The following PSTPIP2 variants were observed in gnomAD, a reference collection of about 807,000 sequenced individuals.
PSTPIP2 encodes the protein proline-serine-threonine phosphatase-interacting protein 2.
A neutral mutation model predicts 63.3 loss-of-function variants in PSTPIP2; 33 were observed. The ratio of observed to expected loss-of-function variants is 0.52; its 90% CI spans 0.40 to 0.70. The LOEUF is 0.70. Ranked by LOEUF, PSTPIP2 falls within the 30% of genes least tolerant of loss-of-function variation. PSTPIP2 has a pLI of 0.00. For synonymous variants in PSTPIP2, 125 were observed against 132.7 expected (o/e 0.94, Z 0.40); for missense variants, 312 against 400.7 (o/e 0.78, Z 1.89).
At chr18:46,046,219 G>A (rs1368964194) in intron 1 of PSTPIP2, among the ~76,000 whole-genome samples, 1 of 152,154 alleles carries the variant, frequency 6.6e-6, no homozygotes, top group African/African-American at 2.4e-5. Flanking sequence ...TTATTTCTAT[G>A]CTCCTTTTCA....
intron 10 of PSTPIP2, among the ~76,000 whole-genome samples, chr18:45,993,096 AT>A (rs895466136): frequency 2.0e-5 from 3 of 151,846 alleles, no homozygotes; most frequent in Non-Finnish European, 4.4e-5. Context: ...CCTTGGCTGA[AT>A]TTTTTTTCTT....
At chr18:46,039,796 A>G (rs1908122811) in intron 2 of PSTPIP2, 151 bp downstream of exon 2, 3 of 672,792 alleles carry the variant, frequency 4.5e-6, no homozygotes, top group Non-Finnish European at 7.8e-6. Flanking sequence ...GGACAGAAGT[A>G]TCATGTACTT....
chr18:45,993,948 A>C (rs116252737), intron 9 of PSTPIP2: 310 of 459,218 alleles, frequency 6.8e-4, no homozygotes, highest in African/African-American at 5.7e-3. Flanking sequence ...AGTAATGATG[A>C]TCCCAGATAC....
intron 1 of PSTPIP2, among the ~76,000 whole-genome samples, chr18:46,063,002 A>G (rs1233379201): frequency 1.3e-5 from 2 of 152,086 alleles, no homozygotes; most frequent in African/African-American, 2.4e-5. Flanking sequence ...CCTCATACTC[A>G]AAAGACAGTA....
intron 3 of PSTPIP2, among the ~76,000 whole-genome samples, chr18:46,022,600 T>TTA (rs1907404346): frequency 6.6e-6 from 1 of 152,154 alleles, no homozygotes; most frequent in African/African-American, 2.4e-5. Context: ...GACCCCTTGT[T>TTA]TATAAATTAT....
intron 3 of PSTPIP2, among the ~76,000 whole-genome samples, chr18:46,017,960 C>T (rs1463028875): frequency 5.3e-5 from 8 of 152,102 alleles, no homozygotes; most frequent in Non-Finnish European, 1.2e-4. Context: ...TGAATTCCCT[C>T]TTCAATTATA....
At chr18:46,049,040 G>A (rs1908486689) in intron 1 of PSTPIP2, among the ~76,000 whole-genome samples, 1 of 150,402 alleles carries the variant, frequency 6.6e-6, no homozygotes, top group African/African-American at 2.5e-5. Context: ...GTGTGTGTGT[G>A]TGTGTGTGTG....
chr18:46,013,035 A>C (rs1422563675), intron 4 of PSTPIP2, among the ~76,000 whole-genome samples: 2 of 151,904 alleles, frequency 1.3e-5, no homozygotes, highest in Admixed American at 6.6e-5. Flanking sequence ...AGTGCTTACT[A>C]TCTTCTTTAC....
chr18:45,995,290 A>T (rs2051582596), intron 9 of PSTPIP2, among the ~76,000 whole-genome samples: 1 of 151,904 alleles, frequency 6.6e-6, no homozygotes. Context: ...CTTTGTAGAG[A>T]CAAAATTTCG....
chr18:46,062,379 G>C lies in PSTPIP2; in HGVS notation c.33+9777C>G, dbSNP rs139326692. Among the ~76,000 whole-genome samples the C allele has an allele frequency of 1.4e-3, 210 of 152,194 alleles. 2 individuals carry two copies. Among genetic ancestry groups the C allele is most frequent in the African/African-American group, 5.0e-3 (207 of 41,542 alleles). The stretch of plus-strand genomic sequence containing the variant: ...TGGTATGCTAGGCATGGTGGCTCAT[G>C]CCTGTAATCCCAGCACTTTAGGAGG... On this transcript the variant is annotated intron_variant, in intron 1 of 14. Transcript: ENST00000409746.
intron 4 of PSTPIP2, among the ~76,000 whole-genome samples, chr18:46,012,874 T>G (rs2051815365): frequency 6.6e-6 from 1 of 152,192 alleles, no homozygotes; most frequent in African/African-American, 2.4e-5. Flanking sequence ...TTCAAAACAA[T>G]GTAAAAACAT....
chr18:46,056,054 A>T (rs946061267), intron 1 of PSTPIP2, among the ~76,000 whole-genome samples: 1 of 152,138 alleles, frequency 6.6e-6, no homozygotes, highest in African/African-American at 2.4e-5. Flanking sequence ...CCAAGCACAA[A>T]CTTGCCCTCT....
At chr18:46,016,529 T>C (rs1435068215) in intron 3 of PSTPIP2, among the ~76,000 whole-genome samples, 1 of 152,202 alleles carries the variant, frequency 6.6e-6, no homozygotes, top group African/African-American at 2.4e-5. Context: ...GTGTCAGATG[T>C]TGGTTAATCA....
chr18:45,995,571 A>G (rs2051585725), intron 9 of PSTPIP2, among the ~76,000 whole-genome samples: 1 of 152,242 alleles, frequency 6.6e-6, no homozygotes, highest in East Asian at 1.9e-4. Context: ...AATAACCTAC[A>G]GTATCAGATG....
At chr18:46,048,850 T>G (rs1480280007) in intron 1 of PSTPIP2, among the ~76,000 whole-genome samples, 2 of 152,168 alleles carry the variant, frequency 1.3e-5, no homozygotes, top group African/African-American at 2.4e-5. Context: ...TATTAGCTAA[T>G]AGCATTATAT....
chr18:45,998,753 C>T (rs1297672190), intron 8 of PSTPIP2, 41 bp downstream of exon 8: 12 of 1,603,018 alleles, frequency 7.5e-6, no homozygotes, highest in Non-Finnish European at 9.4e-6. Context: ...ACGTAAACCC[C>T]ACCAGCAACC....
chr18:46,032,405 C>A (rs560214269), intron 2 of PSTPIP2, among the ~76,000 whole-genome samples: 1 of 152,120 alleles, frequency 6.6e-6, no homozygotes, highest in African/African-American at 2.4e-5. Flanking sequence ...CCTTTGACCT[C>A]GCTTCTATCC....
intron 3 of PSTPIP2, among the ~76,000 whole-genome samples, chr18:46,023,197 T>A (rs1387624536): frequency 6.6e-6 from 1 of 152,130 alleles, no homozygotes; most frequent in African/African-American, 2.4e-5. Context: ...TGAAATAATA[T>A]GTACAACAAA....
chr18:46,011,015 G>C, intron 5 of PSTPIP2, 166 bp downstream of exon 5: 1 of 614,552 alleles, frequency 1.6e-6, no homozygotes, highest in South Asian at 2.0e-5. Context: ...GTGTAGAAAT[G>C]CATATACCCA....
Sources: gnomAD v4.1 joint callset for allele counts (sites outside exome capture counted in the v4.1 genomes callset) on GRCh38, gnomAD v4.1.1 for gene constraint, MANE v1.5 for transcripts, NCBI Gene and HGNC (gene_info 2026-07-23, HGNC 2026-07-21) for gene names.